The following ATRNL1 variants were observed in gnomAD, a reference collection of about 807,000 sequenced individuals.
ATRNL1 encodes the protein attractin-like protein 1.
Under a neutral mutation model 182.7 loss-of-function variants are expected in ATRNL1, and 95 were observed. That is an observed-to-expected ratio of 0.52 (90% CI 0.44 to 0.62). ATRNL1 has a LOEUF of 0.62. ATRNL1 is among the 20% of genes least tolerant of loss of function. The pLI is 0.00. For missense variants in ATRNL1, 1,471 were observed against 1,679.5 expected (o/e 0.88, Z 2.17); for synonymous variants, 576 against 568.3 (o/e 1.01, Z -0.19).
intron 21 of ATRNL1, among the ~76,000 whole-genome samples, chr10:115,459,191 A>G (rs1847674118): frequency 6.6e-6 from 1 of 152,124 alleles, no homozygotes; most frequent in Non-Finnish European, 1.5e-5. Flanking sequence ...AATTGCGTTA[A>G]CTACACAAAT....
chr10:115,863,378 A>G (rs1453166938), intron 28 of ATRNL1, among the ~76,000 whole-genome samples: 1 of 152,220 alleles, frequency 6.6e-6, no homozygotes, highest in South Asian at 2.1e-4. Flanking sequence ...CCAAAAATAT[A>G]TATATGAATG....
intron 2 of ATRNL1, among the ~76,000 whole-genome samples, chr10:115,121,257 T>C (rs11197070): frequency 0.025 from 3,804 of 152,146 alleles, 156 homozygotes; most frequent in African/African-American, 0.086. Flanking sequence ...GGACTAGAGG[T>C]GCATGCCGCC....
intron 28 of ATRNL1, among the ~76,000 whole-genome samples, chr10:115,860,394 A>G (rs1335656957): frequency 6.6e-6 from 1 of 151,950 alleles, no homozygotes; most frequent in African/African-American, 2.4e-5. Context: ...TGACTCCTTA[A>G]GTGTTCTGCA....
intron 10 of ATRNL1, 36 bp downstream of exon 10, chr10:115,241,761 A>G (rs1554902963): frequency 6.4e-7 from 1 of 1,558,498 alleles, no homozygotes; most frequent in African/African-American, 1.4e-5. Context: ...AGTAGGAAAT[A>G]TCAGAAATTT....
intron 27 of ATRNL1, among the ~76,000 whole-genome samples, chr10:115,741,231 G>GA: frequency 6.6e-6 from 1 of 152,154 alleles, no homozygotes; most frequent in South Asian, 2.1e-4. Context: ...TGAAGAAGAG[G>GA]AAAAAGGAAT....
At chr10:115,600,172 G>A (rs782079320) in intron 26 of ATRNL1, among the ~76,000 whole-genome samples, 40 of 151,990 alleles carry the variant, frequency 2.6e-4, no homozygotes, top group East Asian at 5.8e-4. Flanking sequence ...ATACCACTTC[G>A]TTCATTGATT....
chr10:115,540,525 G>A (rs1229311307), intron 25 of ATRNL1, among the ~76,000 whole-genome samples: 1 of 152,120 alleles, frequency 6.6e-6, no homozygotes, highest in Non-Finnish European at 1.5e-5. Flanking sequence ...ACTTTGGGAG[G>A]CTGAGGCAGG....
intron 28 of ATRNL1, among the ~76,000 whole-genome samples, chr10:115,894,238 T>C (rs1952150743): frequency 1.3e-5 from 2 of 152,174 alleles, no homozygotes; most frequent in African/African-American, 2.4e-5. Context: ...GATGGCTGAG[T>C]TTCTTTTCTT....
intron 26 of ATRNL1, among the ~76,000 whole-genome samples, chr10:115,639,657 C>T (rs115601037): frequency 0.016 from 2,457 of 152,148 alleles, 56 homozygotes; most frequent in African/African-American, 0.054. Context: ...TGTAGCAGTA[C>T]ACAGAGCAAC....
intron 8 of ATRNL1, among the ~76,000 whole-genome samples, chr10:115,181,073 G>C (rs1451057081): frequency 6.6e-6 from 1 of 151,844 alleles, no homozygotes; most frequent in Non-Finnish European, 1.5e-5. Context: ...CCCTGTCCTG[G>C]AGAATGAGCT....
chr10:115,268,523 C>A, intron 13 of ATRNL1, 79 bp downstream of exon 13: 3 of 1,023,234 alleles, frequency 2.9e-6, no homozygotes, highest in South Asian at 1.3e-5. Flanking sequence ...TTTAGTAGCA[C>A]TGTAGAAAAA....
chr10:115,691,819 GT>G (rs1330803972), intron 26 of ATRNL1, among the ~76,000 whole-genome samples: 1 of 151,922 alleles, frequency 6.6e-6, no homozygotes, highest in Non-Finnish European at 1.5e-5. Context: ...AAATTTTATT[GT>G]TTTTGCTATT....
rs182549668 is a variant in ATRNL1 at position 115,368,990 on chromosome 10, A to G, written c.3176-25669A>G. On this transcript the variant is annotated intron_variant, in intron 19 of 28. Coordinates refer to ENST00000355044, the MANE Select transcript of ATRNL1 (RefSeq NM_207303.4). ...TGGCCTCCCAAAGTGCTGGGATTACATGCATAAGCCACTGCGCCCAGCCGT... is the reference window on the plus strand; with the variant it reads ...TGGCCTCCCAAAGTGCTGGGATTACGTGCATAAGCCACTGCGCCCAGCCGT... 5.4e-3 allele frequency among the ~76,000 whole-genome samples: 828 copies of G among 152,208 alleles called. 7 individuals are homozygous for G. Among genetic ancestry groups the G allele is most frequent in the African/African-American group, 0.019 (788 of 41,534 alleles).
intron 19 of ATRNL1, among the ~76,000 whole-genome samples, chr10:115,357,875 G>A (rs529607100): frequency 2.2e-4 from 33 of 151,660 alleles, no homozygotes; most frequent in Admixed American, 4.6e-4. Flanking sequence ...ATTCATTGTC[G>A]TTATTATTTT....
chr10:115,635,638 C>A (rs552707506), intron 26 of ATRNL1, among the ~76,000 whole-genome samples: 3 of 152,102 alleles, frequency 2.0e-5, no homozygotes, highest in African/African-American at 7.2e-5. Flanking sequence ...AGCTACATAC[C>A]CAATAGTAAT....
chr10:115,899,560 A>G (rs12244318), intron 28 of ATRNL1, among the ~76,000 whole-genome samples: 13,973 of 152,114 alleles, frequency 0.092, 1,934 homozygotes, highest in African/African-American at 0.3. Context: ...TGCCCACCTC[A>G]GCCTCCCAAA....
intron 28 of ATRNL1, among the ~76,000 whole-genome samples, chr10:115,866,496 A>G (rs1951442535): frequency 6.6e-6 from 1 of 152,192 alleles, no homozygotes; most frequent in Non-Finnish European, 1.5e-5. Flanking sequence ...GGTAGATACT[A>G]CTGTGTCTAT....
intron 28 of ATRNL1, among the ~76,000 whole-genome samples, chr10:115,855,323 C>T (rs541745185): frequency 3.9e-5 from 6 of 152,266 alleles, no homozygotes; most frequent in Admixed American, 2.0e-4. Context: ...AATGCTATTT[C>T]GTCTTCCTTG....
intron 19 of ATRNL1, among the ~76,000 whole-genome samples, chr10:115,386,182 A>G (rs1554952585): frequency 6.6e-6 from 1 of 152,192 alleles, no homozygotes; most frequent in African/African-American, 2.4e-5. Context: ...TTTCTAATTC[A>G]TGTGCATGGC....
Sources: allele counts gnomAD v4.1 joint callset (sites outside exome capture counted in the v4.1 genomes callset), GRCh38; gene constraint gnomAD v4.1.1; transcripts MANE v1.5; gene names NCBI Gene and HGNC (gene_info 2026-07-23, HGNC 2026-07-21).